Variants in UGT1A7 observed in about 807,000 individuals in gnomAD.
UGT1A7 encodes UDP glucuronosyltransferase family 1 member A7.
Under a neutral mutation model 45.6 loss-of-function variants are expected in UGT1A7, and 33 were observed. The ratio of observed to expected loss-of-function variants is 0.72; its 90% CI spans 0.55 to 0.97. UGT1A7 has a LOEUF of 0.97. Among genes scored for constraint, UGT1A7 ranks in the 50% least tolerant of loss-of-function variants. The probability of loss-of-function intolerance (pLI) is 0.00; values close to 1 mark genes in which losing one functional copy is unlikely to be tolerated. For missense variants in UGT1A7, 684 were observed against 666.2 expected (o/e 1.03, Z -0.29); for synonymous variants, 274 against 250.6 (o/e 1.09, Z -0.88).
At chr2:233,692,438 A>C (rs1311287239) in intron 1 of UGT1A7, 1 of 155,598 alleles carries the variant, frequency 6.4e-6, no homozygotes, top group Admixed American at 6.2e-5. Context: ...AGTTGTGGGT[A>C]ACCTGGGGAC....
At chr2:233,686,719 A>G (rs895318622) in intron 1 of UGT1A7, among the ~76,000 whole-genome samples, 1 of 152,212 alleles carries the variant, frequency 6.6e-6, no homozygotes, top group African/African-American at 2.4e-5. Flanking sequence ...CCCACCGGCT[A>G]TGAAGGTCAA....
intron 1 of UGT1A7, chr2:233,718,075 G>A (rs2076626489): frequency 1.7e-5 from 6 of 344,578 alleles, no homozygotes; most frequent in South Asian, 1.2e-4. Context: ...CCTTGCTAGG[G>A]TTGTCTTGCC....
chr2:233,729,068 AG>A, intron 1 of UGT1A7: 1 of 1,611,394 alleles, frequency 6.2e-7, no homozygotes, highest in Non-Finnish European at 8.5e-7. Context: ...AGATGAAGAA[AG>A]CAAATGTAGC....
chr2:233,768,597 T>C (rs1188549543), intron 4 of UGT1A7, among the ~76,000 whole-genome samples, 158 bp downstream of exon 4: 1 of 135,710 alleles, frequency 7.4e-6, no homozygotes, highest in Non-Finnish European at 1.6e-5. Context: ...TTTTTTTTTT[T>C]TTTTTTTGAG....
chr2:233,727,709 GC>G (rs369344030), intron 1 of UGT1A7, among the ~76,000 whole-genome samples: 1 of 152,290 alleles, frequency 6.6e-6, no homozygotes, highest in African/African-American at 2.4e-5. Context: ...AGTTCCCAAA[GC>G]CCTTGCAGAC....
At position 233,728,183 on chromosome 2, in the gene UGT1A7, A is replaced by G. The variant is rs539668176; in HGVS notation, c.856-38851A>G. ...GTTCTGGAGGAACCATTCTTATCAG[A>G]ACTTGGTGCTGGATTGACTTGGAGA... On this transcript the variant is annotated intron_variant, in intron 1 of 4. Coordinates refer to ENST00000373426, the MANE Select transcript of UGT1A7 (RefSeq NM_019077.3). Among the ~76,000 whole-genome samples the G allele has an allele frequency of 2.0e-5, 3 of 152,306 alleles. No individual in the cohort carries two copies. In the South Asian group the frequency reaches 6.2e-4, roughly 32 times the overall value.
intron 1 of UGT1A7, among the ~76,000 whole-genome samples, chr2:233,763,842 A>G (rs1366123587): frequency 6.6e-6 from 1 of 152,224 alleles, no homozygotes; most frequent in Non-Finnish European, 1.5e-5. Context: ...AGGGTAAGAT[A>G]GCAGTGGTTC....
intron 1 of UGT1A7, among the ~76,000 whole-genome samples, chr2:233,715,951 T>C (rs189079466): frequency 1.1e-3 from 172 of 152,286 alleles, no homozygotes; most frequent in African/African-American, 4.0e-3. Flanking sequence ...GTTTGTTGAC[T>C]GACTGACTGA....
intron 1 of UGT1A7, chr2:233,719,609 G>A (rs758434623): frequency 1.2e-5 from 19 of 1,613,894 alleles, no homozygotes; most frequent in East Asian, 2.2e-5. Flanking sequence ...ACTTTGTGAT[G>A]GACTACCCCA....
intron 1 of UGT1A7, among the ~76,000 whole-genome samples, chr2:233,757,459 C>T (rs1280909636): frequency 8.7e-5 from 13 of 149,420 alleles, no homozygotes; most frequent in African/African-American, 2.0e-4. Flanking sequence ...ATGTCCAGAG[C>T]GCTTACTGTC....
chr2:233,761,981 G>A (rs1697924435), intron 1 of UGT1A7, among the ~76,000 whole-genome samples: 1 of 152,178 alleles, frequency 6.6e-6, no homozygotes, highest in African/African-American at 2.4e-5. Context: ...CACCTTCGGA[G>A]GTGACCTTAT....
rs781623948 is a variant in UGT1A7, at chr2:233,772,355, G to A, written c.1389G>A (p.Met463Ile). ...CCGTGTTCTGGGTGGAGTTTGTGAT[G>A]AGGCACAAGGGCGCGCCACACCTGC... Reference protein sequence around the residue: ...DLAVFWVEFVMRHKGAPHLRP... With the variant: ...DLAVFWVEFVIRHKGAPHLRP... The change falls in exon 5 of 5, where the codon ATG (methionine) becomes ATA (isoleucine). Residue 463 changes from methionine to isoleucine, a missense_variant. Met to Ile is a conservative substitution (Grantham distance 10, BLOSUM62 1). Coordinates refer to ENST00000373426, the MANE Select transcript of UGT1A7 (RefSeq NM_019077.3). 1 of 1,614,130 alleles carries A rather than the reference G, an allele frequency of 6.2e-7. No homozygotes were observed. Among genetic ancestry groups the A allele is most frequent in the Non-Finnish European group, 8.5e-7 (1 of 1,180,056 alleles).
Position 233,768,229 on chromosome 2 carries a change from T to C in UGT1A7, c.1085T>C (p.Met362Thr), listed in dbSNP as rs371224646. ...CTATTTTGCATCTCAGGTCACCCGATGACCCGTGCCTTTATCACCCATGCT... is the reference window on the plus strand; with the variant it reads ...CTATTTTGCATCTCAGGTCACCCGACGACCCGTGCCTTTATCACCCATGCT... Reference protein sequence around the residue: ...LPQNDLLGHPMTRAFITHAGS... With the variant: ...LPQNDLLGHPTTRAFITHAGS... Residue 362 changes from methionine to threonine, a missense_variant, in exon 4 of 5, where the codon ATG (methionine) becomes ACG (threonine). Coordinates refer to ENST00000373426, the MANE Select transcript of UGT1A7 (RefSeq NM_019077.3). 3.1e-6 allele frequency: 5 copies of C among 1,614,112 alleles called. No homozygotes were observed. The highest frequency in any genetic ancestry group is 4.2e-6 in the Non-Finnish European group (5 of 1,180,052).
intron 1 of UGT1A7, among the ~76,000 whole-genome samples, chr2:233,751,179 A>G (rs1253259700): frequency 9.9e-5 from 15 of 151,976 alleles, no homozygotes; most frequent in African/African-American, 3.6e-4. Flanking sequence ...GATATGAGAC[A>G]TGAAGTTAAA....
chr2:233,738,081 C>G (rs1343758433), intron 1 of UGT1A7, among the ~76,000 whole-genome samples: 1 of 152,154 alleles, frequency 6.6e-6, no homozygotes, highest in Non-Finnish European at 1.5e-5. Context: ...CTCCTAATCT[C>G]ATCATAGTGA....
intron 1 of UGT1A7, among the ~76,000 whole-genome samples, chr2:233,752,099 T>C (rs947761592): frequency 1.3e-5 from 2 of 152,204 alleles, no homozygotes; most frequent in Admixed American, 1.3e-4. Context: ...AGACAGAAAG[T>C]AGAATCAGAG....
intron 1 of UGT1A7, chr2:233,721,831 C>G: frequency 3.9e-6 from 2 of 514,410 alleles, no homozygotes. Flanking sequence ...TTTGGGCCAC[C>G]GACCTTGTGT....
chr2:233,698,825 A>G lies in UGT1A7; in HGVS notation c.855+16033A>G, dbSNP rs116279107. Reference sequence around the variant, plus strand: ...CCCAGCCTCGCCTTGTGGAAGAGTAAGGCAGGATCACTTCCCTCTTATTCC... The same window carrying G: ...CCCAGCCTCGCCTTGTGGAAGAGTAGGGCAGGATCACTTCCCTCTTATTCC... On this transcript the variant is annotated intron_variant, in intron 1 of 4. Coordinates refer to ENST00000373426, the MANE Select transcript of UGT1A7 (RefSeq NM_019077.3). Among the ~76,000 whole-genome samples, 635 of 152,362 alleles carry G rather than the reference A, an allele frequency of 4.2e-3. 10 individuals are homozygous for G. Among genetic ancestry groups the G allele is most frequent in the African/African-American group, 0.015 (605 of 41,584 alleles).
intron 1 of UGT1A7, among the ~76,000 whole-genome samples, chr2:233,688,647 C>T (rs1036657892): frequency 2.6e-5 from 4 of 152,162 alleles, no homozygotes; most frequent in African/African-American, 9.7e-5. Context: ...GTTGGTGTTA[C>T]AGAATAACAT....
Sources: allele counts gnomAD v4.1 joint callset (sites outside exome capture counted in the v4.1 genomes callset), GRCh38; gene constraint gnomAD v4.1.1; transcripts MANE v1.5; gene names NCBI Gene and HGNC (gene_info 2026-07-23, HGNC 2026-07-21).